Variants in PPFIBP2 observed in about 807,000 individuals in gnomAD.
The protein encoded by PPFIBP2 is liprin-beta-2.
PPFIBP2 carries 118 observed loss-of-function variants against 118.3 expected under a neutral mutation model. That is an observed-to-expected ratio of 1.00 (90% CI 0.86 to 1.16). The LOEUF (loss-of-function observed/expected upper bound fraction) is 1.16, where lower values mean the gene tolerates loss of function less well. Ranked by LOEUF, PPFIBP2 falls within the 50% of genes most tolerant of loss-of-function variation. The pLI is 0.00. For synonymous variants in PPFIBP2, 414 were observed against 397.4 expected (o/e 1.04, Z -0.50); for missense variants, 1,195 against 1,073.1 (o/e 1.11, Z -1.59).
chr11:7,532,213 T>G (rs1336332957), intron 1 of PPFIBP2, among the ~76,000 whole-genome samples: 5 of 126,810 alleles, frequency 3.9e-5, no homozygotes, highest in Non-Finnish European at 8.5e-5. Flanking sequence ...CCATGTGTCC[T>G]AATCTGCTCT....
At chr11:7,519,330 G>T (rs371125712) in intron 1 of PPFIBP2, among the ~76,000 whole-genome samples, 20 of 152,268 alleles carry the variant, frequency 1.3e-4, no homozygotes, top group African/African-American at 4.6e-4. Flanking sequence ...GGAGGAGAAG[G>T]ATTTGAACAG....
At chr11:7,656,607 T>C, downstream of PPFIBP2, 1 of 556,628 alleles carries the variant, frequency 1.8e-6, no homozygotes, top group South Asian at 1.6e-5. Context: ...ACTATAAACT[T>C]ATAGTGCACC....
intron 13 of PPFIBP2, among the ~76,000 whole-genome samples, 171 bp downstream of exon 13, chr11:7,634,723 A>T (rs1851227999): frequency 6.6e-6 from 1 of 152,206 alleles, no homozygotes; most frequent in Non-Finnish European, 1.5e-5. Context: ...GTGTGGCCCA[A>T]AGCATCTTAG....
At chr11:7,657,453 C>T (rs1854776925), downstream of PPFIBP2, among the ~76,000 whole-genome samples, 1 of 152,146 alleles carries the variant, frequency 6.6e-6, no homozygotes, top group Non-Finnish European at 1.5e-5. Context: ...GCACACCCTG[C>T]CTTCTGCCTC....
At chr11:7,576,761 G>A (rs1268484135) in intron 3 of PPFIBP2, 1 of 152,422 alleles carries the variant, frequency 6.6e-6, no homozygotes, top group African/African-American at 2.4e-5. Flanking sequence ...GCGGCAGTTG[G>A]TCTCTAATGG....
intron 21 of PPFIBP2, among the ~76,000 whole-genome samples, chr11:7,649,903 G>A (rs1455815306): frequency 2.6e-5 from 4 of 152,164 alleles, no homozygotes; most frequent in Non-Finnish European, 4.4e-5. Flanking sequence ...TCATCATAGT[G>A]ATTAAAGGAG....
At chr11:7,665,687 C>T in the PPFIBP2 span, 1 of 1,140,012 alleles carries the variant, frequency 8.8e-7, no homozygotes, top group Non-Finnish European at 1.2e-6. Flanking sequence ...CTACTGCTCC[C>T]TGCAAAAAGC....
At chr11:7,641,033 A>T (rs1852110412) in intron 15 of PPFIBP2, 1 of 1,281,090 alleles carries the variant, frequency 7.8e-7, no homozygotes, top group African/African-American at 1.5e-5. Context: ...TTCACTGGAG[A>T]TCGTGGCCGG....
intron 4 of PPFIBP2, among the ~76,000 whole-genome samples, chr11:7,594,916 C>CAAAAAA (rs58084975): frequency 2.0e-3 from 124 of 63,266 alleles, no homozygotes; most frequent in Non-Finnish European, 2.4e-3. Flanking sequence ...GACTCCATCT[C>CAAAAAA]AAAAAAAAAA....
intron 6 of PPFIBP2, among the ~76,000 whole-genome samples, chr11:7,613,322 G>C (rs528556075): frequency 6.6e-6 from 1 of 152,294 alleles, no homozygotes; most frequent in East Asian, 1.9e-4. Context: ...TCTGATCATA[G>C]CCCAAGCCAG....
intron 2 of PPFIBP2, among the ~76,000 whole-genome samples, chr11:7,554,224 A>G (rs941616047): frequency 1.3e-5 from 2 of 151,466 alleles, no homozygotes; most frequent in Non-Finnish European, 2.9e-5. Flanking sequence ...TCTCACAGTT[A>G]CCACGTATTT....
chr11:7,649,575 T>C lies in PPFIBP2; in HGVS notation c.2042T>C (p.Leu681Pro). 1.9e-6 allele frequency: 3 copies of C among 1,614,198 alleles called. No individual in the cohort carries two copies. The highest frequency in any genetic ancestry group is 2.5e-6 in the Non-Finnish European group (3 of 1,180,028). Residue 681 changes from leucine to proline, a missense_variant, in exon 21 of 24, where the codon CTC becomes CCC. Leu to Pro is a moderately conservative substitution (Grantham distance 98, BLOSUM62 -3). Transcript: ENST00000299492. ...FLKVTSQLHH[L>P]SIKCAIHVLH... ...AAAGTCACCAGCCAACTACATCATC[T>C]CAGCATCAAATGTGCCATTCACGTG...
downstream of PPFIBP2, among the ~76,000 whole-genome samples, chr11:7,658,176 A>C (rs1163407068): frequency 3.3e-5 from 5 of 151,960 alleles, no homozygotes; most frequent in Non-Finnish European, 2.9e-5. Context: ...TTTAAGTTTT[A>C]GGGTACATGT....
chr11:7,657,901 G>C (rs1298774450), downstream of PPFIBP2, among the ~76,000 whole-genome samples: 1 of 152,186 alleles, frequency 6.6e-6, no homozygotes, highest in Non-Finnish European at 1.5e-5. Context: ...GCTCTGCACT[G>C]GCTCCTGTAG....
In PPFIBP2 at chr11:7,565,780, G is replaced by A. The variant is rs748671019; in HGVS notation, c.279+13G>A. 1.7e-5 allele frequency: 27 copies of A among 1,612,856 alleles called. No homozygotes were observed. In the East Asian group the frequency reaches 4.0e-4, roughly 24 times the overall value. On this transcript the variant is annotated intron_variant, in intron 3 of 23. Coordinates refer to ENST00000299492, the MANE Select transcript of PPFIBP2 (RefSeq NM_003621.5). ...TGAAGAGAGCTTGGTGAGTAGTCCCGTGGCCTGATTGGGAACCACTGGGGA... is the reference window on the plus strand; with the variant it reads ...TGAAGAGAGCTTGGTGAGTAGTCCCATGGCCTGATTGGGAACCACTGGGGA...
At chr11:7,612,408 G>A (rs1050673116) in intron 6 of PPFIBP2, among the ~76,000 whole-genome samples, 12 of 152,200 alleles carry the variant, frequency 7.9e-5, no homozygotes, top group African/African-American at 2.4e-4. Context: ...TGTGCATGAG[G>A]GGTGGGAGGT....
downstream of PPFIBP2, chr11:7,657,221 C>G (rs1380134635): frequency 1.7e-5 from 3 of 174,266 alleles, no homozygotes; most frequent in African/African-American, 7.1e-5. Context: ...TCTGTAGAGA[C>G]TGTGTTTTGT....
intron 6 of PPFIBP2, among the ~76,000 whole-genome samples, chr11:7,611,625 T>C (rs1848078069): frequency 6.6e-6 from 1 of 152,256 alleles, no homozygotes; most frequent in Non-Finnish European, 1.5e-5. Flanking sequence ...CTCAGTGGCT[T>C]TGTGACCTTG....
intron 1 of PPFIBP2, among the ~76,000 whole-genome samples, chr11:7,546,087 A>C (rs1021818433): frequency 1.3e-5 from 2 of 152,170 alleles, no homozygotes; most frequent in African/African-American, 2.4e-5. Flanking sequence ...AGGCTATGGA[A>C]GCTCCATGCA....
Sources: gnomAD v4.1 joint callset for allele counts (sites outside exome capture counted in the v4.1 genomes callset) on GRCh38, gnomAD v4.1.1 for gene constraint, MANE v1.5 for transcripts, NCBI Gene and HGNC (gene_info 2026-07-23, HGNC 2026-07-21) for gene names.